The following ADGRL2 variants were observed in gnomAD, a reference collection of about 807,000 sequenced individuals.
ADGRL2 encodes the protein adhesion G protein-coupled receptor L2, also known as calcium-independent alpha-latrotoxin receptor 2.
In ADGRL2, 44 loss-of-function variants were observed where a neutral mutation model predicts 157.4. The observed-to-expected ratio is 0.28, with a 90% CI of 0.22 to 0.36. The LOEUF (loss-of-function observed/expected upper bound fraction) is 0.36, where lower values mean the gene tolerates loss of function less well. Among genes scored for constraint, ADGRL2 ranks in the 10% least tolerant of loss-of-function variants. ADGRL2 has a pLI of 1.00. For missense variants in ADGRL2, 1,510 were observed against 1,768.9 expected, an observed-to-expected ratio of 0.85 and a Z score of 2.63; for synonymous variants, 585 against 624.7, an observed-to-expected ratio of 0.94 and a Z score of 0.95.
chr1:81,910,244 C>CAATAAT (rs10631240), intron 3 of ADGRL2, among the ~76,000 whole-genome samples: 34,067 of 142,838 alleles, frequency 0.24, 4,239 homozygotes, highest in Middle Eastern at 0.3. Flanking sequence ...GCCTAAAAAA[C>CAATAAT]AATAATAATA....
chr1:81,596,890 C>T (rs890039427), intron 3 of ADGRL2, among the ~76,000 whole-genome samples: 4 of 152,120 alleles, frequency 2.6e-5, no homozygotes, highest in African/African-American at 9.7e-5. Context: ...ACAACTGCTG[C>T]TTCTTGAACT....
chr1:81,923,692 G>A (rs940378189), intron 3 of ADGRL2, among the ~76,000 whole-genome samples: 51 of 151,974 alleles, frequency 3.4e-4, no homozygotes, highest in African/African-American at 1.2e-3. Flanking sequence ...AGTAAAATAC[G>A]GAAGATTGAG....
intron 1 of ADGRL2, among the ~76,000 whole-genome samples, chr1:81,720,305 T>C (rs550238940): frequency 3.7e-4 from 56 of 151,288 alleles, no homozygotes; most frequent in Non-Finnish European, 6.5e-4. Context: ...GCCTCCCGAG[T>C]AGCTGGATTA....
chr1:81,397,268 T>C (rs1450153048), intron 1 of ADGRL2, among the ~76,000 whole-genome samples: 1 of 151,812 alleles, frequency 6.6e-6, no homozygotes, highest in Non-Finnish European at 1.5e-5. Flanking sequence ...TCATAATGGT[T>C]TCTAATGATT....
At chr1:81,961,078 A>G (rs1440084763) in intron 11 of ADGRL2, among the ~76,000 whole-genome samples, 1 of 152,186 alleles carries the variant, frequency 6.6e-6, no homozygotes, top group Non-Finnish European at 1.5e-5. Flanking sequence ...CTTGCTGAGG[A>G]ATTTGCAAAA....
At chr1:81,354,274 C>G (rs910607190) in intron 1 of ADGRL2, among the ~76,000 whole-genome samples, 6 of 152,146 alleles carry the variant, frequency 3.9e-5, no homozygotes, top group African/African-American at 1.4e-4. Flanking sequence ...AGTTTAGGAA[C>G]TTGCTCAAGG....
chr1:81,688,888 T>C (rs573326644), intron 3 of ADGRL2, among the ~76,000 whole-genome samples: 41 of 152,320 alleles, frequency 2.7e-4, no homozygotes, highest in African/African-American at 9.6e-4. Context: ...TCTCCCTCTT[T>C]TCCTATGGAT....
At chr1:81,692,331 C>CA (rs1288265540) in intron 3 of ADGRL2, among the ~76,000 whole-genome samples, 1 of 151,966 alleles carries the variant, frequency 6.6e-6, no homozygotes, top group Non-Finnish European at 1.5e-5. Flanking sequence ...TAAATCAAAT[C>CA]AAATAATGTG....
intron 1 of ADGRL2, among the ~76,000 whole-genome samples, chr1:81,405,958 T>G (rs1570876407): frequency 6.6e-6 from 1 of 152,348 alleles, no homozygotes; most frequent in South Asian, 2.1e-4. Flanking sequence ...ATAATTAATC[T>G]GAGGTTTCAG....
intron 3 of ADGRL2, among the ~76,000 whole-genome samples, chr1:81,678,560 A>G (rs493850): frequency 0.069 from 10,539 of 152,262 alleles, 405 homozygotes; most frequent in East Asian, 0.14. Context: ...TATTTTTGTT[A>G]TTCCTGGAAA....
intron 3 of ADGRL2, among the ~76,000 whole-genome samples, chr1:81,661,905 A>G (rs974165635): frequency 6.6e-6 from 1 of 152,202 alleles, no homozygotes; most frequent in Non-Finnish European, 1.5e-5. Context: ...AACAGTCTGT[A>G]TACCATTTTG....
rs746471234 is a variant in ADGRL2, at chr1:81,884,315, GT to G, written c.74-22701del. Among the ~76,000 whole-genome samples the G allele has an allele frequency of 2.0e-3, 301 of 152,272 alleles. 2 individuals are homozygous for G. The highest frequency in any genetic ancestry group is 3.4e-3 in the Non-Finnish European group (232 of 68,008). Reference sequence around the variant, plus strand: ...TTTGCCCAGCCCATGAGAACAACCTGTGCTAGTGAATGATTTTTAAAGAATC... The same window carrying G: ...TTTGCCCAGCCCATGAGAACAACCTGGCTAGTGAATGATTTTTAAAGAATC... On this transcript the variant is annotated intron_variant, in intron 2 of 23. Coordinates refer to ENST00000686636, the MANE Select transcript of ADGRL2 (RefSeq NM_001366006.2).
intron 3 of ADGRL2, among the ~76,000 whole-genome samples, chr1:81,587,002 A>G (rs1411875186): frequency 1.3e-5 from 2 of 152,104 alleles, no homozygotes; most frequent in Non-Finnish European, 2.9e-5. Context: ...AGCTGTCCAG[A>G]GACTCTTCAG....
In ADGRL2 at chr1:81,372,946, C is replaced by T. The variant is rs559185309; in HGVS notation, c.-302+66437C>T. 3.9e-5 allele frequency among the ~76,000 whole-genome samples: 6 copies of T among 152,252 alleles called. No individual in the cohort carries two copies. In the South Asian group the frequency reaches 1.2e-3, roughly 32 times the overall value. On this transcript the variant is annotated intron_variant, in intron 1 of 24. Transcript: ENST00000370721. The stretch of plus-strand genomic sequence containing the variant: ...CCAATGGTTCTCACTTTTTAATGTG[C>T]ATCATCACATTTATTCAAAGGGAGA...
chr1:81,642,623 T>C (rs4459150), intron 3 of ADGRL2, among the ~76,000 whole-genome samples: 118,622 of 152,000 alleles, frequency 0.78, 46,659 homozygotes, highest in African/African-American at 0.84. Context: ...AAAGATATTA[T>C]AAGAAAAAGA....
chr1:81,594,783 C>T (rs983901789), intron 3 of ADGRL2, among the ~76,000 whole-genome samples: 2 of 152,178 alleles, frequency 1.3e-5, no homozygotes, highest in African/African-American at 2.4e-5. Flanking sequence ...CATTGGACAG[C>T]AAACAGCTTT....
At chr1:81,736,175 C>T (rs1436961475) in intron 1 of ADGRL2, among the ~76,000 whole-genome samples, 3 of 146,536 alleles carry the variant, frequency 2.0e-5, no homozygotes, top group African/African-American at 7.6e-5. Flanking sequence ...GTCAAACTGA[C>T]AATCAGTTTG....
At chr1:81,639,793 G>A (rs1407442149) in intron 3 of ADGRL2, among the ~76,000 whole-genome samples, 1 of 152,084 alleles carries the variant, frequency 6.6e-6, no homozygotes, top group Non-Finnish European at 1.5e-5. Context: ...ACAGCATAAT[G>A]CTGTGATAAC....
chr1:81,307,802 C>T (rs1659450796), intron 1 of ADGRL2, among the ~76,000 whole-genome samples: 1 of 147,256 alleles, frequency 6.8e-6, no homozygotes, highest in African/African-American at 2.5e-5. Flanking sequence ...ATCTCAATGC[C>T]AAAAATGTGC....
Sources: gnomAD v4.1 joint callset for allele counts (sites outside exome capture counted in the v4.1 genomes callset) on GRCh38, gnomAD v4.1.1 for gene constraint, MANE v1.5 for transcripts, NCBI Gene and HGNC (gene_info 2026-07-23, HGNC 2026-07-21) for gene names.